LPP: variants seen among roughly 807,000 people sequenced by gnomAD.
LPP encodes lipoma-preferred partner.
LPP carries 38 observed loss-of-function variants against 60.4 expected under a neutral mutation model. The observed-to-expected ratio is 0.63, with a 90% CI of 0.49 to 0.83. LPP has a LOEUF of 0.83. LPP is among the 40% of genes least tolerant of loss of function. The pLI is 0.00. For synonymous variants in LPP, 328 were observed against 290.8 expected (o/e 1.13, Z -1.30); for missense variants, 902 against 783.6 (o/e 1.15, Z -1.80).
At chr3:188,657,977 T>G (rs1374762583) in intron 7 of LPP, among the ~76,000 whole-genome samples, 1 of 152,184 alleles carries the variant, frequency 6.6e-6, no homozygotes, top group Non-Finnish European at 1.5e-5. Context: ...CATCTTAATA[T>G]TCCTATTAAC....
Position 188,542,168 on chromosome 3 carries a change from AAC to A in LPP, c.429+17382_429+17383del, listed in dbSNP as rs1418072923. ...TGCCATACCTAGAAACGTGAATGTC[AAC>A]TGTTTGATCTCTCTGAACCTCATTT... On this transcript the variant is annotated intron_variant, in intron 6 of 11. Coordinates refer to ENST00000617246, the MANE Select transcript of LPP (RefSeq NM_001375462.1). Among the ~76,000 whole-genome samples, 11 of 152,316 alleles carry A rather than the reference AAC, an allele frequency of 7.2e-5. No individual in the cohort carries two copies. The East Asian group carries it at 2.1e-3, about 29-fold the overall frequency.
At chr3:188,743,792 C>T (rs1168217926) in intron 8 of LPP, 1 of 152,096 alleles carries the variant, frequency 6.6e-6, no homozygotes, top group Non-Finnish European at 1.5e-5. Flanking sequence ...GAAAATTAAT[C>T]ACAAGATAGG....
intron 9 of LPP, among the ~76,000 whole-genome samples, chr3:188,800,630 G>C (rs559994578): frequency 6.6e-6 from 1 of 152,230 alleles, no homozygotes; most frequent in South Asian, 2.1e-4. Context: ...TACTGAAATA[G>C]CTCTCCAAAA....
chr3:188,361,383 A>G (rs1370997651), intron 3 of LPP, among the ~76,000 whole-genome samples: 1 of 151,894 alleles, frequency 6.6e-6, no homozygotes, highest in Non-Finnish European at 1.5e-5. Flanking sequence ...AAAATGCCTA[A>G]AAGGGTGCAT....
intron 5 of LPP, among the ~76,000 whole-genome samples, chr3:188,495,877 A>G (rs1433794417): frequency 6.6e-6 from 1 of 152,110 alleles, no homozygotes; most frequent in African/African-American, 2.4e-5. Context: ...ACTAACTCAT[A>G]TTTTATCTCT....
At chr3:188,776,277 T>C (rs1040968353) in intron 9 of LPP, among the ~76,000 whole-genome samples, 3 of 152,140 alleles carry the variant, frequency 2.0e-5, no homozygotes, top group Non-Finnish European at 4.4e-5. Context: ...GGATGCAGCA[T>C]TTGAGCAAAG....
At chr3:188,766,378 C>CAAA (rs142374028) in intron 9 of LPP, among the ~76,000 whole-genome samples, 6 of 124,664 alleles carry the variant, frequency 4.8e-5, no homozygotes, top group East Asian at 2.5e-4. Flanking sequence ...CCTTAAAAAG[C>CAAA]AAAAAAAAAA....
intron 2 of LPP, among the ~76,000 whole-genome samples, chr3:188,294,382 T>A (rs1177793378): frequency 1.2e-4 from 18 of 152,220 alleles, no homozygotes; most frequent in Non-Finnish European, 8.8e-5. Context: ...GATTTCCCTT[T>A]AATCTATTCT....
At chr3:188,348,788 G>A (rs190977998) in intron 3 of LPP, among the ~76,000 whole-genome samples, 405 of 152,194 alleles carry the variant, frequency 2.7e-3, no homozygotes, top group African/African-American at 9.5e-3. Flanking sequence ...TTCGGCCCTC[G>A]CCCTATTTCA....
intron 2 of LPP, among the ~76,000 whole-genome samples, chr3:188,299,529 T>C (rs1375328033): frequency 6.6e-6 from 1 of 152,192 alleles, no homozygotes; most frequent in Non-Finnish European, 1.5e-5. Context: ...CCTTAATAGG[T>C]TGGACAAGTC....
intron 7 of LPP, among the ~76,000 whole-genome samples, chr3:188,637,523 C>A (rs1325902029): frequency 6.7e-6 from 1 of 149,986 alleles, no homozygotes; most frequent in African/African-American, 2.4e-5. Flanking sequence ...CAGAGCAGAA[C>A]TGAAGGAAAT....
intron 2 of LPP, among the ~76,000 whole-genome samples, chr3:188,299,400 C>T (rs751542605): frequency 6.6e-5 from 10 of 152,168 alleles, no homozygotes; most frequent in Non-Finnish European, 1.5e-4. Context: ...GTTGCTTCTT[C>T]GATGCTGACT....
At chr3:188,753,740 T>A (rs1577351595) in intron 8 of LPP, among the ~76,000 whole-genome samples, 1 of 152,192 alleles carries the variant, frequency 6.6e-6, no homozygotes, top group African/African-American at 2.4e-5. Context: ...GTGGCAGTCA[T>A]TGATCCTTTT....
chr3:188,662,620 T>C (rs1408033785), intron 7 of LPP, among the ~76,000 whole-genome samples: 1 of 152,242 alleles, frequency 6.6e-6, no homozygotes, highest in African/African-American at 2.4e-5. Context: ...TCCAACATCT[T>C]GTTGAATACC....
At chr3:188,849,241 T>G (rs1435553515) in intron 9 of LPP, among the ~76,000 whole-genome samples, 3 of 152,106 alleles carry the variant, frequency 2.0e-5, no homozygotes, top group Non-Finnish European at 4.4e-5. Context: ...CCTTAACCCC[T>G]TTGGCCAGAA....
At chr3:188,537,773 A>G (rs2222041) in intron 6 of LPP, among the ~76,000 whole-genome samples, 72,274 of 151,930 alleles carry the variant, frequency 0.48, 18,080 homozygotes, top group East Asian at 0.92. Flanking sequence ...GATGTTCAAG[A>G]GACCCAGAAT....
chr3:188,409,149 T>C (rs1002826975), intron 4 of LPP, among the ~76,000 whole-genome samples: 4 of 152,230 alleles, frequency 2.6e-5, no homozygotes, highest in African/African-American at 9.6e-5. Flanking sequence ...TGCTCAGTGA[T>C]GCTTCTCCAA....
intron 7 of LPP, among the ~76,000 whole-genome samples, chr3:188,623,835 C>T (rs1236173684): frequency 3.9e-5 from 6 of 152,272 alleles, no homozygotes; most frequent in South Asian, 4.1e-4. Context: ...GGCCATTGGG[C>T]GGGTGTGTGC....
chr3:188,855,001 TA>T (rs1351542310), intron 9 of LPP, among the ~76,000 whole-genome samples: 1 of 152,154 alleles, frequency 6.6e-6, no homozygotes, highest in Non-Finnish European at 1.5e-5. Context: ...AGGCAGTCAT[TA>T]CTCTGTATAC....
Sources: allele counts gnomAD v4.1 joint callset (sites outside exome capture counted in the v4.1 genomes callset), GRCh38; gene constraint gnomAD v4.1.1; transcripts MANE v1.5; gene names NCBI Gene and HGNC (gene_info 2026-07-23, HGNC 2026-07-21).